Variants in ADCY2 observed in about 807,000 individuals in gnomAD.
ADCY2 encodes adenylate cyclase type 2.
ADCY2 carries 31 observed loss-of-function variants against 125.2 expected under a neutral mutation model. The observed-to-expected ratio is 0.25, with a 90% CI of 0.19 to 0.33. ADCY2 has a LOEUF of 0.33. Ranked by LOEUF, ADCY2 falls within the 10% of genes least tolerant of loss-of-function variation. The probability of loss-of-function intolerance (pLI) is 1.00; values close to 1 mark genes in which losing one functional copy is unlikely to be tolerated. For missense variants in ADCY2, 904 were observed against 1,418.2 expected, an observed-to-expected ratio of 0.64 and a Z score of 5.82; for synonymous variants, 512 against 548.4, an observed-to-expected ratio of 0.93 and a Z score of 0.93.
intron 1 of ADCY2, among the ~76,000 whole-genome samples, chr5:7,399,596 A>G (rs567814435): frequency 6.6e-6 from 1 of 152,354 alleles, no homozygotes; most frequent in Non-Finnish European, 1.5e-5. Flanking sequence ...CATGAAAACT[A>G]TTAAGTAGTT....
intron 7 of ADCY2, 117 bp from the exon 8 acceptor site, chr5:7,706,627 A>C (rs1741275479): frequency 8.2e-7 from 1 of 1,212,488 alleles, no homozygotes; most frequent in East Asian, 2.3e-5. Flanking sequence ...AGGAAGGTTT[A>C]TGGTCATTTC....
At chr5:7,758,095 C>T (rs1445684613) in intron 16 of ADCY2, among the ~76,000 whole-genome samples, 1 of 152,204 alleles carries the variant, frequency 6.6e-6, no homozygotes, top group Admixed American at 6.5e-5. Flanking sequence ...CCCGTCTCAC[C>T]AGCTGCACGA....
chr5:7,398,919 G>A (rs1212125760), intron 1 of ADCY2, among the ~76,000 whole-genome samples: 1 of 152,218 alleles, frequency 6.6e-6, no homozygotes, highest in Non-Finnish European at 1.5e-5. Flanking sequence ...CATCCAGATA[G>A]TCAGCGATGG....
chr5:7,816,461 C>T (rs1385658295), intron 22 of ADCY2, among the ~76,000 whole-genome samples: 1 of 152,230 alleles, frequency 6.6e-6, no homozygotes, highest in South Asian at 2.1e-4. Context: ...CACCCCCTAG[C>T]GGTCAGGCCA....
At chr5:7,399,594 C>A (rs551910669) in intron 1 of ADCY2, among the ~76,000 whole-genome samples, 5 of 152,096 alleles carry the variant, frequency 3.3e-5, no homozygotes, top group Admixed American at 3.3e-4. Flanking sequence ...TACATGAAAA[C>A]TATTAAGTAG....
intron 10 of ADCY2, among the ~76,000 whole-genome samples, chr5:7,710,514 G>T (rs1388910626): frequency 6.6e-6 from 1 of 152,200 alleles, no homozygotes; most frequent in Admixed American, 6.5e-5. Flanking sequence ...AGCTGAGGGA[G>T]TCTCAGAGGG....
chr5:7,742,005 C>T (rs1457903810), intron 14 of ADCY2, among the ~76,000 whole-genome samples: 4 of 150,778 alleles, frequency 2.7e-5, no homozygotes, highest in Admixed American at 6.6e-5. Context: ...AAGAAGATAT[C>T]GTTCATTCAG....
rs114066579 is a variant in ADCY2, at chr5:7,636,565, G to C, written c.720+10249G>C. On this transcript the variant is annotated intron_variant, in intron 4 of 24. Coordinates refer to ENST00000338316, the MANE Select transcript of ADCY2 (RefSeq NM_020546.3). Reference sequence around the variant, plus strand: ...ACCTTGAGAAACTGCAAGGAGGTAGGGGGGATGGAAACTGTGTCAAACATG... The same window carrying C: ...ACCTTGAGAAACTGCAAGGAGGTAGCGGGGATGGAAACTGTGTCAAACATG... Among the ~76,000 whole-genome samples the C allele has an allele frequency of 5.9e-3, 906 of 152,330 alleles. 3 individuals are homozygous for C. The highest frequency in any genetic ancestry group is 7.7e-3 in the Non-Finnish European group (523 of 68,036).
At chr5:7,423,484 T>C (rs555712604) in intron 2 of ADCY2, among the ~76,000 whole-genome samples, 1 of 152,304 alleles carries the variant, frequency 6.6e-6, no homozygotes, top group African/African-American at 2.4e-5. Context: ...GTAAGTCTTA[T>C]GAGATCTGAT....
chr5:7,497,099 C>T (rs1743370126), intron 2 of ADCY2, among the ~76,000 whole-genome samples: 1 of 152,090 alleles, frequency 6.6e-6, no homozygotes, highest in African/African-American at 2.4e-5. Context: ...AAGCACATTC[C>T]CACTTATGAA....
At chr5:7,445,261 A>G (rs938247731) in intron 2 of ADCY2, among the ~76,000 whole-genome samples, 2 of 152,164 alleles carry the variant, frequency 1.3e-5, no homozygotes, top group African/African-American at 4.8e-5. Context: ...GGGAAGTGTG[A>G]CATGCATATC....
At chr5:7,666,234 G>A (rs528713269) in intron 4 of ADCY2, among the ~76,000 whole-genome samples, 2 of 152,090 alleles carry the variant, frequency 1.3e-5, no homozygotes, top group South Asian at 2.1e-4. Flanking sequence ...TGTTAAAGAG[G>A]CCATTTCCTA....
intron 3 of ADCY2, among the ~76,000 whole-genome samples, chr5:7,534,391 G>A (rs1403532868): frequency 6.6e-6 from 1 of 152,154 alleles, no homozygotes; most frequent in African/African-American, 2.4e-5. Flanking sequence ...TTGTCTTTGT[G>A]TGTTTAACTG....
intron 10 of ADCY2, among the ~76,000 whole-genome samples, chr5:7,711,136 G>A (rs1741426411): frequency 1.3e-5 from 2 of 152,292 alleles, no homozygotes; most frequent in African/African-American, 4.8e-5. Context: ...CAAGATGGAG[G>A]CATGAATGTG....
At chr5:7,419,746 G>C (rs573573702) in intron 2 of ADCY2, among the ~76,000 whole-genome samples, 1 of 152,312 alleles carries the variant, frequency 6.6e-6, no homozygotes, top group African/African-American at 2.4e-5. Flanking sequence ...GGCAAGGCCA[G>C]ACCTCATATA....
chr5:7,439,577 C>T (rs927055427), intron 2 of ADCY2, among the ~76,000 whole-genome samples: 5 of 151,828 alleles, frequency 3.3e-5, no homozygotes, highest in African/African-American at 7.3e-5. Context: ...TATGTGTGTA[C>T]ATATACATTA....
At chr5:7,659,305 A>G (rs911629657) in intron 4 of ADCY2, among the ~76,000 whole-genome samples, 1 of 152,264 alleles carries the variant, frequency 6.6e-6, no homozygotes, top group Non-Finnish European at 1.5e-5. Context: ...AATGCAGTGC[A>G]ATTTAAGATG....
intron 18 of ADCY2, among the ~76,000 whole-genome samples, chr5:7,776,662 G>C (rs1179067300): frequency 1.3e-5 from 2 of 152,134 alleles, no homozygotes; most frequent in Non-Finnish European, 2.9e-5. Flanking sequence ...ACTGACATTT[G>C]AGTCGGTGGA....
chr5:7,804,040 A>AAGAGAGAGAGAGAGAGAGAGAGAG (rs57193249), intron 21 of ADCY2, among the ~76,000 whole-genome samples: 2,235 of 106,208 alleles, frequency 0.021, 194 homozygotes, highest in Non-Finnish European at 0.026. Flanking sequence ...GGAGGGGGGA[A>AAGAGAGAGAGAGAGAGAGAGAGAG]AGAGAGAGAG....
Sources: gnomAD v4.1 joint callset for allele counts (sites outside exome capture counted in the v4.1 genomes callset) on GRCh38, gnomAD v4.1.1 for gene constraint, MANE v1.5 for transcripts, NCBI Gene and HGNC (gene_info 2026-07-23, HGNC 2026-07-21) for gene names.